Variants in SAP130 observed in about 807,000 individuals in gnomAD.
SAP130 encodes the protein histone deacetylase complex subunit SAP130.
In SAP130, 16 loss-of-function variants were observed where a neutral mutation model predicts 103.2. The ratio of observed to expected loss-of-function variants is 0.16; its 90% CI spans 0.10 to 0.24. The LOEUF is 0.24. SAP130 is among the 10% of genes least tolerant of loss of function. The pLI is 1.00. For missense variants in SAP130, 990 were observed against 1,359.7 expected (o/e 0.73, Z 4.28); for synonymous variants, 477 against 497.0 (o/e 0.96, Z 0.53).
At position 127,978,650 on chromosome 2, in the gene SAP130, GT is replaced by G. The variant is rs564021865; in HGVS notation, c.1959-562del. Among the ~76,000 whole-genome samples, 690 of 152,262 alleles carry G rather than the reference GT, an allele frequency of 4.5e-3. 6 individuals are homozygous for G. The highest frequency in any genetic ancestry group is 0.016 in the African/African-American group (648 of 41,546). On this transcript the variant is annotated intron_variant, in intron 14 of 20. Coordinates refer to ENST00000643581, the MANE Select transcript of SAP130 (RefSeq NM_001330301.2). ...GACAGAGTGGTGGGAACAAATACCA[GT>G]TGAGAGTGGATCTGAGAGAAAATAA...
At chr2:128,002,749 C>CAAAA (rs559001910) in intron 7 of SAP130, among the ~76,000 whole-genome samples, 1 of 151,482 alleles carries the variant, frequency 6.6e-6, no homozygotes, top group South Asian at 2.1e-4. Context: ...AAAAAACAAA[C>CAAAA]AAAAAAAACA....
Position 127,989,360 on chromosome 2 carries a change from G to A in SAP130, c.1780+204C>T, listed in dbSNP as rs1391559473. Among the ~76,000 whole-genome samples the A allele has an allele frequency of 3.3e-5, 5 of 152,112 alleles. No homozygotes were observed. Among genetic ancestry groups the A allele is most frequent in the Admixed American group, 6.5e-5 (1 of 15,272 alleles). ...GATCCACCCGCCTCAGCCTCCCAAA[G>A]TGCTGGGATTACAGTGAGGTATATT... On this transcript the variant is annotated intron_variant, in intron 13 of 20. Coordinates refer to ENST00000643581, the MANE Select transcript of SAP130 (RefSeq NM_001330301.2). This position sits in a 1 kb window ranked among gnomAD's most constrained non-coding sequence, Gnocchi z 4.6.
At chr2:127,963,906 C>G (rs1193386989) in intron 15 of SAP130, among the ~76,000 whole-genome samples, 2 of 152,180 alleles carry the variant, frequency 1.3e-5, no homozygotes, top group African/African-American at 2.4e-5. Context: ...TTGCATAGAA[C>G]TACGTAAGTT....
Position 127,945,512 on chromosome 2 carries a change from A to G in SAP130, c.2845T>C (p.Ser949Pro). 6.2e-7 allele frequency: 1 copy of G among 1,613,628 alleles called. No homozygotes were observed. The highest frequency in any genetic ancestry group is 8.5e-7 in the Non-Finnish European group (1 of 1,179,568). ...ACTTTCCAGCCTTGAGCACGACAGG[A>G]TACTCCTTTCTGATTAGCTATTTCC... Reference protein sequence around the residue: ...LQEIANQKGVSCRAQGWKVHL... With the variant: ...LQEIANQKGVPCRAQGWKVHL... The change falls in exon 19 of 21, where the codon TCC becomes CCC. Residue 949 changes from serine (S) to proline (P), a missense_variant. Ser to Pro is a moderately conservative substitution (Grantham distance 74, BLOSUM62 -1). Transcript: ENST00000643581.
chr2:127,999,377 C>T (rs756345095), intron 10 of SAP130, among the ~76,000 whole-genome samples: 4 of 151,916 alleles, frequency 2.6e-5, no homozygotes, highest in Admixed American at 6.6e-5. Context: ...TTTGGGAGGC[C>T]GAGGCGGGCA....
At position 127,945,154 on chromosome 2, in the gene SAP130, G is replaced by A. The variant is rs147447611; in HGVS notation, c.2901+302C>T. Among the ~76,000 whole-genome samples, 51 of 152,246 alleles carry A rather than the reference G, an allele frequency of 3.3e-4. 1 individual carries two copies. In the South Asian group the frequency reaches 6.4e-3, roughly 19 times the overall value. The stretch of plus-strand genomic sequence containing the variant: ...GGGAGGAGGGACTCTCGGTTAGGCC[G>A]TTTGAGGCTCCCCCTATTTCAGATG... On this transcript the variant is annotated intron_variant, in intron 19 of 20. Transcript: ENST00000643581.
chr2:127,958,923 C>G (rs1406529627), intron 15 of SAP130, among the ~76,000 whole-genome samples: 1 of 152,134 alleles, frequency 6.6e-6, no homozygotes, highest in Non-Finnish European at 1.5e-5. Context: ...TCTCCTGAAG[C>G]TGTGGGGTGA....
intron 7 of SAP130, among the ~76,000 whole-genome samples, chr2:128,001,460 CTG>C (rs1390720215): frequency 6.6e-6 from 1 of 152,200 alleles, no homozygotes; most frequent in African/African-American, 2.4e-5. Context: ...ACAAAAAGAA[CTG>C]TGAAGTTAGT....
rs369432971 is a variant in SAP130, at chr2:127,945,903, A to T, written c.2798-344T>A. The stretch of plus-strand genomic sequence containing the variant: ...CCTGGGCTCAAGCAATTTGCCTGCC[A>T]TGGCCTCCCAAAGTGTTGGGATTAT... On this transcript the variant is annotated intron_variant, in intron 18 of 20. Transcript: ENST00000643581. Among the ~76,000 whole-genome samples the T allele has an allele frequency of 3.3e-4, 51 of 152,286 alleles. 1 individual carries two copies. In the South Asian group the frequency reaches 6.4e-3, roughly 19 times the overall value.
At chr2:128,024,101 T>C (rs1559111274) in intron 2 of SAP130, among the ~76,000 whole-genome samples, 2 of 152,264 alleles carry the variant, frequency 1.3e-5, no homozygotes, top group South Asian at 4.1e-4. Context: ...TATTTAGAAA[T>C]ATGAGTAGAT....
chr2:127,991,777 A>C (rs1028498083), intron 12 of SAP130, among the ~76,000 whole-genome samples: 1 of 152,228 alleles, frequency 6.6e-6, no homozygotes, highest in Non-Finnish European at 1.5e-5. Flanking sequence ...CCTACAACTG[A>C]AAAAGTAGTT....
chr2:127,956,416 C>T (rs1292739347), intron 15 of SAP130, among the ~76,000 whole-genome samples: 1 of 152,158 alleles, frequency 6.6e-6, no homozygotes, highest in African/African-American at 2.4e-5. Flanking sequence ...GTCAGAAGAA[C>T]AAGTAAAACC....
Position 127,996,475 on chromosome 2 carries a change from C to T in SAP130, c.1230G>A (p.Gln410=), listed in dbSNP as rs559832173. The change falls in exon 11 of 21, where the codon CAG becomes CAA. Residue 410 remains glutamine, a synonymous_variant. Coordinates refer to ENST00000643581, the MANE Select transcript of SAP130 (RefSeq NM_001330301.2). The surrounding 1 kb of genome is among the most constrained non-coding windows in gnomAD (Gnocchi z 4.3). ...TCCGAGGAGAAGTGTGCGTGATCTG[C>T]TGGGGCACCACCTTGGCTGCAAACA... ...SNIPVAKVVP[Q]QITHTSPRIQ... is the part of the protein sequence containing the mutation. 3.2e-6 allele frequency: 5 copies of T among 1,575,078 alleles called. No individual in the cohort carries two copies. In the Admixed American group the frequency reaches 9.1e-5, roughly 29 times the overall value.
rs575881554 is a variant in SAP130 at position 128,005,644 on chromosome 2, T to C, written c.869+4625A>G. Among the ~76,000 whole-genome samples the C allele has an allele frequency of 3.8e-4, 58 of 151,788 alleles. 1 individual carries two copies. Among genetic ancestry groups the C allele is most frequent in the Non-Finnish European group, 7.4e-5 (5 of 67,922 alleles). On this transcript the variant is annotated intron_variant, in intron 7 of 20. Transcript: ENST00000643581. Reference sequence around the variant, plus strand: ...AACAAACAAACTGTTCATATAGTTTTTCTTTCTTTTTTTTTTTTTTGAGAC... The same window carrying C: ...AACAAACAAACTGTTCATATAGTTTCTCTTTCTTTTTTTTTTTTTTGAGAC...
rs745565113 is a variant in SAP130, at chr2:128,017,735, G to A, written c.293C>T (p.Pro98Leu). The A allele has an allele frequency of 1.2e-6, 2 of 1,614,162 alleles. No individual in the cohort carries two copies. Among genetic ancestry groups the A allele is most frequent in the Non-Finnish European group, 1.7e-6 (2 of 1,180,022 alleles). The stretch of plus-strand genomic sequence containing the variant: ...CACTGCTGGCGTCAGGTGTGCTGGC[G>A]GGGCTGTCACTGCAACAGGTGTGGC... Reference protein sequence around the residue: ...ASATPVAVTAPPAHLTPAVPL... With the variant: ...ASATPVAVTALPAHLTPAVPL... Residue 98 changes from proline (P) to leucine (L), a missense_variant, in exon 3 of 21, where the codon CCG (proline) becomes CTG (leucine). This residue lies in a region of SAP130 where 167 missense variants were observed against 187.4 expected (regional missense o/e 0.89). Transcript: ENST00000643581.
intron 7 of SAP130, among the ~76,000 whole-genome samples, chr2:128,002,818 G>A (rs1683657282): frequency 1.3e-5 from 2 of 152,166 alleles, no homozygotes; most frequent in Non-Finnish European, 2.9e-5. Flanking sequence ...GCTAACGGGA[G>A]TCATCAAAAG....
Position 127,941,671 on chromosome 2 carries a change from A to G in SAP130, c.*335T>C. 3.5e-6 allele frequency: 1 copy of G among 287,082 alleles called. No individual in the cohort carries two copies. Among genetic ancestry groups the G allele is most frequent in the Non-Finnish European group, 6.5e-6 (1 of 154,894 alleles). 17.8% of individuals were successfully genotyped at this position (287,082 alleles called of 1,614,324 possible). ...AGTATGGGGCCTGCAGGAATCCACT[A>G]GATAAATACAGTCTATAAACCGGAA... On this transcript the variant is annotated 3_prime_UTR_variant, in exon 21 of 21. Coordinates refer to ENST00000643581, the MANE Select transcript of SAP130 (RefSeq NM_001330301.2).
At chr2:127,988,261 A>G (rs1409744353) in intron 13 of SAP130, among the ~76,000 whole-genome samples, 3 of 151,868 alleles carry the variant, frequency 2.0e-5, no homozygotes, top group Non-Finnish European at 1.5e-5. Flanking sequence ...GTTTCTACAA[A>G]AAATCAAAAA....
At chr2:127,973,910 C>CA (rs1281154132) in intron 15 of SAP130, among the ~76,000 whole-genome samples, 3 of 151,706 alleles carry the variant, frequency 2.0e-5, no homozygotes, top group Non-Finnish European at 2.9e-5. Flanking sequence ...CCCGTTTCGA[C>CA]AAAAAAATAC....
Sources: gnomAD v4.1 joint callset for allele counts (sites outside exome capture counted in the v4.1 genomes callset) on GRCh38, gnomAD v4.1.1 for gene constraint, gnomAD v4.1.1 regional missense constraint, Gnocchi (gnomAD v3.1) non-coding constraint, MANE v1.5 for transcripts, NCBI Gene and HGNC (gene_info 2026-07-23, HGNC 2026-07-21) for gene names.